TNS1: variants seen among roughly 807,000 people sequenced by gnomAD.
TNS1 encodes tensin-1.
A neutral mutation model predicts 168.6 loss-of-function variants in TNS1; 62 were observed. That is an observed-to-expected ratio of 0.37 (90% CI 0.30 to 0.45). The LOEUF is 0.45. TNS1 is among the 20% of genes least tolerant of loss of function. TNS1 has a pLI of 1.00. For missense variants in TNS1, 2,240 were observed against 2,339.4 expected (o/e 0.96, Z 0.88); for synonymous variants, 934 against 933.2 (o/e 1.00, Z -0.02).
rs554643463 is a variant in TNS1, at chr2:217,996,554, C to A, written c.34-5498G>T. On this transcript the variant is annotated intron_variant, in intron 1 of 32. Coordinates refer to ENST00000682258, the MANE Select transcript of TNS1 (RefSeq NM_001387777.1). ...TTGGCCTGACCATGTTGTTGGTCGCCCTGGGTGGAAAGCTCTGAGTCACTC... is the reference window on the plus strand; with the variant it reads ...TTGGCCTGACCATGTTGTTGGTCGCACTGGGTGGAAAGCTCTGAGTCACTC... 5.9e-5 allele frequency among the ~76,000 whole-genome samples: 9 copies of A among 152,098 alleles called. No homozygotes were observed. In the East Asian group the frequency reaches 1.7e-3, roughly 29 times the overall value.
Position 217,900,410 on chromosome 2 carries a change from C to T in TNS1, c.371+53G>A, listed in dbSNP as rs1575008810. The T allele has an allele frequency of 2.6e-6, 4 of 1,522,868 alleles. No individual in the cohort carries two copies. In the East Asian group the frequency reaches 9.8e-5, roughly 37 times the overall value. 94.3% of individuals were successfully genotyped at this position (1,522,868 alleles called of 1,614,324 possible). On this transcript the variant is annotated intron_variant, in intron 7 of 32. Transcript: ENST00000682258. The stretch of plus-strand genomic sequence containing the variant: ...AGGCAAGACTTAACAGGGACACCCA[C>T]AGTGACCCCCCTGCTTGCACTCCCG...
At chr2:218,022,790 G>A (rs1469033541) in intron 1 of TNS1, among the ~76,000 whole-genome samples, 1 of 131,892 alleles carries the variant, frequency 7.6e-6, no homozygotes, top group Admixed American at 8.1e-5. Context: ...AGGGTGGGGG[G>A]TTAGGGGTGG....
intron 1 of TNS1, among the ~76,000 whole-genome samples, chr2:217,999,014 G>A (rs550213031): frequency 1.3e-5 from 2 of 152,290 alleles, no homozygotes; most frequent in South Asian, 4.1e-4. Flanking sequence ...GCTGCGTGGG[G>A]GGTGTGGTTA....
At chr2:217,837,775 T>C (rs1004351212) in intron 19 of TNS1, among the ~76,000 whole-genome samples, 2 of 152,226 alleles carry the variant, frequency 1.3e-5, no homozygotes, top group African/African-American at 4.8e-5. Flanking sequence ...TGAAGAGCCC[T>C]TATTCGCAGA....
chr2:217,809,220 G>C (rs1400966165), intron 30 of TNS1, among the ~76,000 whole-genome samples: 18 of 69,626 alleles, frequency 2.6e-4, no homozygotes, highest in African/African-American at 4.8e-4. Flanking sequence ...TGGATGCATG[G>C]ATGGATGGAT....
At chr2:218,010,944 GC>G (rs1958700590), upstream of TNS1, among the ~76,000 whole-genome samples, 1 of 152,086 alleles carries the variant, frequency 6.6e-6, no homozygotes. Context: ...TCTGACCCTG[GC>G]CACACACTCC....
chr2:217,879,778 G>A (rs895687533), intron 18 of TNS1, among the ~76,000 whole-genome samples: 2 of 152,198 alleles, frequency 1.3e-5, no homozygotes, highest in African/African-American at 4.8e-5. Context: ...AGAAGACAGC[G>A]CCGTGTAGAG....
chr2:218,031,532 T>A (rs79729144), intron 1 of TNS1, among the ~76,000 whole-genome samples: 4 of 140,854 alleles, frequency 2.8e-5, no homozygotes, highest in African/African-American at 9.8e-5. Flanking sequence ...TGTGAGTGTG[T>A]GTGTGCCTGT....
chr2:217,864,270 T>C (rs1400921748), intron 18 of TNS1, among the ~76,000 whole-genome samples: 1 of 152,122 alleles, frequency 6.6e-6, no homozygotes, highest in East Asian at 1.9e-4. Flanking sequence ...AGAGGGTATA[T>C]GGGGCTTTGG....
At chr2:217,858,987 G>T (rs1239990490) in intron 18 of TNS1, among the ~76,000 whole-genome samples, 2 of 82,174 alleles carry the variant, frequency 2.4e-5, no homozygotes, top group Non-Finnish European at 4.5e-5. Context: ...CCCAGCCCCT[G>T]CTCAACTCTC....
At chr2:218,020,118 G>A (rs1290578998) in intron 1 of TNS1, among the ~76,000 whole-genome samples, 1 of 152,112 alleles carries the variant, frequency 6.6e-6, no homozygotes, top group African/African-American at 2.4e-5. Flanking sequence ...TATTATTGAA[G>A]CATAAATCCC....
chr2:217,839,571 C>T (rs1291187182), intron 19 of TNS1, among the ~76,000 whole-genome samples: 1 of 152,172 alleles, frequency 6.6e-6, no homozygotes, highest in Admixed American at 6.5e-5. Context: ...CGCACACACA[C>T]TCACACGCAC....
intron 7 of TNS1, among the ~76,000 whole-genome samples, chr2:217,898,564 T>G (rs1952568867): frequency 6.6e-6 from 1 of 152,122 alleles, no homozygotes; most frequent in Non-Finnish European, 1.5e-5. Context: ...ATTCCAGCCC[T>G]CCCGGAGGCA....
At chr2:217,894,678 A>G (rs1212329705) in intron 9 of TNS1, among the ~76,000 whole-genome samples, 1 of 152,014 alleles carries the variant, frequency 6.6e-6, no homozygotes, top group Admixed American at 6.6e-5. Context: ...CAAACAAACA[A>G]AAAAACCGGC....
chr2:217,819,482 G>C (rs1942477693), intron 23 of TNS1, among the ~76,000 whole-genome samples: 1 of 152,198 alleles, frequency 6.6e-6, no homozygotes, highest in African/African-American at 2.4e-5. Flanking sequence ...CCTGCATTGG[G>C]AGGTTAGATG....
chr2:217,867,570 C>A (rs1419361170), intron 18 of TNS1, among the ~76,000 whole-genome samples: 2 of 152,218 alleles, frequency 1.3e-5, no homozygotes, highest in East Asian at 3.8e-4. Flanking sequence ...TACAATGTAT[C>A]ATTCTATAAA....
chr2:217,804,332 G>T lies in TNS1; in HGVS notation c.*127C>A. ...CAATTCACTTCCCTCTCCCCACGTT[G>T]CACTTTCTTCTCTCCTCCGAAATTG... On this transcript the variant is annotated 3_prime_UTR_variant, in exon 33 of 33. Transcript: ENST00000682258. The T allele has an allele frequency of 1.8e-6, 2 of 1,106,782 alleles. No homozygotes were observed. The highest frequency in any genetic ancestry group is 1.3e-6 in the Non-Finnish European group (1 of 771,858). 68.6% of individuals were successfully genotyped at this position (1,106,782 alleles called of 1,614,324 possible). A position where few individuals can be genotyped will look rare whatever the true frequency, so the allele number is the denominator to read the frequency against.
At chr2:217,920,340 A>G (rs1039168288) in intron 3 of TNS1, 104 bp from the exon 4 acceptor site, 13 of 688,074 alleles carry the variant, frequency 1.9e-5, no homozygotes, top group Non-Finnish European at 2.7e-5. Flanking sequence ...ATTCCCTCAC[A>G]CGGGCTGACA....
intron 3 of TNS1, among the ~76,000 whole-genome samples, chr2:217,967,949 C>T (rs1167726389): frequency 6.6e-6 from 1 of 152,164 alleles, no homozygotes; most frequent in Non-Finnish European, 1.5e-5. Flanking sequence ...GAGAATTATA[C>T]ACCATGACCA....
Sources: allele counts gnomAD v4.1 joint callset (sites outside exome capture counted in the v4.1 genomes callset), GRCh38; gene constraint gnomAD v4.1.1; transcripts MANE v1.5; gene names NCBI Gene and HGNC (gene_info 2026-07-23, HGNC 2026-07-21).